The following PCGF5 variants were observed in gnomAD, a reference collection of about 807,000 sequenced individuals.
PCGF5 encodes the protein polycomb group ring finger 5.
A neutral mutation model predicts 44.3 loss-of-function variants in PCGF5; 9 were observed. That is an observed-to-expected ratio of 0.20 (90% confidence interval 0.12 to 0.35). The LOEUF is 0.35. Ranked by LOEUF, PCGF5 falls within the 10% of genes least tolerant of loss-of-function variation. PCGF5 has a pLI of 1.00. For missense variants in PCGF5, 146 were observed against 305.3 expected, an observed-to-expected ratio of 0.48 and a Z score of 3.89; for synonymous variants, 95 against 102.5, an observed-to-expected ratio of 0.93 and a Z score of 0.44.
intron 9 of PCGF5, among the ~76,000 whole-genome samples, chr10:91,277,612 C>T (rs75960472): frequency 0.025 from 3,774 of 152,214 alleles, 165 homozygotes; most frequent in African/African-American, 0.087. Context: ...ACAATATGAA[C>T]CATTCAGTTA....
upstream of PCGF5, among the ~76,000 whole-genome samples, chr10:91,217,802 T>G (rs913920976): frequency 6.6e-6 from 1 of 152,244 alleles, no homozygotes; most frequent in Non-Finnish European, 1.5e-5. Flanking sequence ...GTGTTTTTTC[T>G]TTAGACATAG....
intron 2 of PCGF5, among the ~76,000 whole-genome samples, chr10:91,223,739 G>C (rs1024765734): frequency 1.3e-5 from 2 of 152,158 alleles, no homozygotes; most frequent in Non-Finnish European, 1.5e-5. Context: ...ACCAAAATGA[G>C]ATATATGTGA....
upstream of PCGF5, among the ~76,000 whole-genome samples, chr10:91,158,693 A>T (rs968323408): frequency 6.6e-6 from 1 of 152,202 alleles, no homozygotes; most frequent in Non-Finnish European, 1.5e-5. Context: ...GTTCTCTTCC[A>T]TCACAACTTT....
At chr10:91,268,872 T>G (rs1589410076) in intron 8 of PCGF5, among the ~76,000 whole-genome samples, 1 of 152,270 alleles carries the variant, frequency 6.6e-6, no homozygotes, top group South Asian at 2.1e-4. Context: ...ATTTTTATCT[T>G]TAGGAATCAA....
upstream of PCGF5, among the ~76,000 whole-genome samples, chr10:91,160,306 A>C (rs1196036580): frequency 2.0e-5 from 3 of 152,196 alleles, no homozygotes; most frequent in Non-Finnish European, 4.4e-5. Context: ...TGAAAGGAAA[A>C]GATGTAGGAT....
intron 8 of PCGF5, among the ~76,000 whole-genome samples, chr10:91,269,645 T>C (rs1846132092): frequency 6.6e-6 from 1 of 152,200 alleles, no homozygotes; most frequent in Non-Finnish European, 1.5e-5. Context: ...GTATGCATGT[T>C]TTAAATTTTG....
chr10:91,212,862 C>T (rs2421482), intron 1 of PCGF5, among the ~76,000 whole-genome samples: 43,703 of 151,994 alleles, frequency 0.29, 7,513 homozygotes, highest in East Asian at 0.68. Flanking sequence ...CTTGATGTCT[C>T]CTCTCTTTGT....
intron 6 of PCGF5, among the ~76,000 whole-genome samples, chr10:91,255,503 G>C (rs913292879): frequency 4.6e-5 from 7 of 152,010 alleles, no homozygotes; most frequent in African/African-American, 1.7e-4. Context: ...GTTGAATATT[G>C]GTGGTATGCC....
At chr10:91,273,188 A>G (rs1564658765) in intron 9 of PCGF5, among the ~76,000 whole-genome samples, 4 of 152,220 alleles carry the variant, frequency 2.6e-5, no homozygotes, top group Admixed American at 2.6e-4. Flanking sequence ...TCTTCTCTCT[A>G]TGCAGATAAG....
chr10:91,203,376 G>T (rs59663942), intron 1 of PCGF5, among the ~76,000 whole-genome samples: 1,919 of 152,262 alleles, frequency 0.013, 35 homozygotes, highest in African/African-American at 0.041. Flanking sequence ...TTAGGATCCA[G>T]ATTCTATGAA....
upstream of PCGF5, chr10:91,162,866 C>CCCGCCGCCGCCAGCGCCG (rs1267444931): frequency 3.3e-5 from 5 of 149,398 alleles, no homozygotes; most frequent in Non-Finnish European, 7.4e-5. Flanking sequence ...TCGCCCCGCG[C>CCCGCCGCCGCCAGCGCCG]CCGCCGCCGC....
rs772593042 is a variant in PCGF5, at chr10:91,188,107, C to T, written c.-184+25026C>T. On this transcript the variant is annotated intron_variant, in intron 1 of 9. Coordinates refer to the PCGF5 transcript ENST00000614189. ...TCCCCCGAACAGGAACAGCTCCGGT[C>T]TACAGCTCCCAGTGTGAGTGACGCA... is the stretch of plus-strand genomic sequence containing the variant. Among the ~76,000 whole-genome samples, 239 of 152,232 alleles carry T rather than the reference C, an allele frequency of 1.6e-3. 5 individuals carry two copies. The highest frequency in any genetic ancestry group is 8.5e-4 in the Admixed American group (13 of 15,288).
At chr10:91,157,083 G>A in the PCGF5 span, among the ~76,000 whole-genome samples, 3 of 152,180 alleles carry the variant, frequency 2.0e-5, no homozygotes, top group East Asian at 3.8e-4. Flanking sequence ...TGGTATCCAT[G>A]TTATAGGGTT....
intron 1 of PCGF5, among the ~76,000 whole-genome samples, chr10:91,195,648 G>T (rs72813402): frequency 4.6e-5 from 7 of 151,758 alleles, no homozygotes; most frequent in Non-Finnish European, 7.4e-5. Flanking sequence ...TGTTACCCAG[G>T]CTAGTCTCGA....
chr10:91,267,897 T>C (rs1464225506), intron 8 of PCGF5, among the ~76,000 whole-genome samples: 2 of 152,190 alleles, frequency 1.3e-5, no homozygotes, highest in African/African-American at 4.8e-5. Context: ...CACTATGTGG[T>C]TCTTTTTCTT....
intron 7 of PCGF5, 103 bp downstream of exon 7, chr10:91,261,527 G>T: frequency 2.4e-6 from 3 of 1,243,462 alleles, no homozygotes; most frequent in Non-Finnish European, 2.1e-6. Context: ...TAATTTTTGT[G>T]GAAACTTTGA....
At chr10:91,164,528 T>C (rs1239588262) in intron 1 of PCGF5, among the ~76,000 whole-genome samples, 2 of 152,188 alleles carry the variant, frequency 1.3e-5, no homozygotes, top group Non-Finnish European at 2.9e-5. Context: ...ACCTAACTGG[T>C]TCTGAAGTAA....
chr10:91,262,404 G>T (rs2133418735), intron 7 of PCGF5, among the ~76,000 whole-genome samples: 1 of 152,134 alleles, frequency 6.6e-6, no homozygotes, highest in Non-Finnish European at 1.5e-5. Context: ...CTCCAGCCTG[G>T]GCGACAGAGT....
chr10:91,278,485 T>C lies in PCGF5; in HGVS notation c.*169T>C. 3 of 643,628 alleles carry C rather than the reference T, an allele frequency of 4.7e-6. No homozygotes were observed. Among genetic ancestry groups the C allele is most frequent in the South Asian group, 1.9e-5 (1 of 51,430 alleles). The allele number at this position is 643,628 out of a possible 1,614,324, so 39.9% of individuals were successfully genotyped here. On this transcript the variant is annotated 3_prime_UTR_variant, in exon 10 of 10. Transcript: ENST00000336126. ...TCAGTTGCATTCATGTTGTTTCTAT[T>C]AGGAGCAAACCAAGTGCCATTCTGC...
Sources: gnomAD v4.1 joint callset for allele counts (sites outside exome capture counted in the v4.1 genomes callset) on GRCh38, gnomAD v4.1.1 for gene constraint, MANE v1.5 for transcripts, NCBI Gene and HGNC (gene_info 2026-07-23, HGNC 2026-07-21) for gene names.